The following EPHA6 variants were observed in gnomAD, a reference collection of about 807,000 sequenced individuals.
The protein encoded by EPHA6 is EPH receptor A6.
Under a neutral mutation model 112.0 loss-of-function variants are expected in EPHA6, and 50 were observed. That is an observed-to-expected ratio of 0.45 (90% confidence interval 0.36 to 0.56). EPHA6 has a LOEUF of 0.56. EPHA6 is among the 20% of genes least tolerant of loss of function. The pLI, the probability that EPHA6 is intolerant of heterozygous loss-of-function variation, is 0.00. For synonymous variants in EPHA6, 529 were observed against 490.7 expected (o/e 1.08, Z -1.03); for missense variants, 1,280 against 1,417.4 (o/e 0.90, Z 1.56).
chr3:96,952,411 A>G (rs2041583397), intron 2 of EPHA6, among the ~76,000 whole-genome samples: 1 of 152,122 alleles, frequency 6.6e-6, no homozygotes, highest in Non-Finnish European at 1.5e-5. Context: ...CAGTTCTCAC[A>G]GGGCTAGGTT....
At chr3:97,718,448 C>CAATG (rs1422634172) in intron 14 of EPHA6, among the ~76,000 whole-genome samples, 1 of 151,848 alleles carries the variant, frequency 6.6e-6, no homozygotes, top group African/African-American at 2.4e-5. Context: ...TGCAGATAAA[C>CAATG]AATGATTTGG....
intron 3 of EPHA6, among the ~76,000 whole-genome samples, chr3:97,010,522 G>A (rs922893172): frequency 1.1e-4 from 17 of 151,812 alleles, no homozygotes; most frequent in African/African-American, 3.6e-4. Flanking sequence ...TATCAAACTT[G>A]TTATTTTTTA....
At chr3:97,226,015 GTA>G (rs2078343666) in intron 3 of EPHA6, among the ~76,000 whole-genome samples, 1 of 152,082 alleles carries the variant, frequency 6.6e-6, no homozygotes, top group Non-Finnish European at 1.5e-5. Flanking sequence ...GTGTGTGTGT[GTA>G]TGTGTGTATG....
intron 11 of EPHA6, among the ~76,000 whole-genome samples, chr3:97,562,309 A>T (rs1007860643): frequency 1.2e-4 from 18 of 152,186 alleles, no homozygotes; most frequent in African/African-American, 4.3e-4. Context: ...TTTAGATGCC[A>T]TTAGGAACAT....
intron 3 of EPHA6, among the ~76,000 whole-genome samples, chr3:97,036,303 T>A (rs2045091976): frequency 6.6e-6 from 1 of 152,008 alleles, no homozygotes; most frequent in Non-Finnish European, 1.5e-5. Context: ...ATAGAAATAG[T>A]ATTAGGCCAA....
chr3:96,821,818 G>A (rs1048720965), intron 1 of EPHA6, among the ~76,000 whole-genome samples: 2 of 151,744 alleles, frequency 1.3e-5, no homozygotes, highest in Admixed American at 6.6e-5. Flanking sequence ...AAGTCACTCA[G>A]CAACCATAGA....
intron 5 of EPHA6, among the ~76,000 whole-genome samples, chr3:97,307,752 A>G (rs560280898): frequency 2.6e-5 from 4 of 151,106 alleles, no homozygotes; most frequent in Non-Finnish European, 5.9e-5. Context: ...AAAAAAAAAT[A>G]TATATATACA....
In EPHA6 at chr3:96,871,645, C is replaced by T. The variant is rs181141243; in HGVS notation, c.450+4756C>T. Among the ~76,000 whole-genome samples the T allele has an allele frequency of 5.3e-3, 811 of 151,806 alleles. 7 individuals carry two copies. Among genetic ancestry groups the T allele is most frequent in the African/African-American group, 0.019 (785 of 41,438 alleles). On this transcript the variant is annotated intron_variant, in intron 2 of 17. Transcript: ENST00000389672. ...TACACTCATTTATTTAATCTTTCAC[C>T]GCACATTATGTGAAAAATGCTATTT...
intron 14 of EPHA6, among the ~76,000 whole-genome samples, chr3:97,703,142 C>T (rs17753740): frequency 0.086 from 13,144 of 152,150 alleles, 782 homozygotes; most frequent in Middle Eastern, 0.14. Context: ...TGACGTGAAA[C>T]TTCCTCTAGA....
chr3:97,281,467 G>T (rs2080284720), intron 5 of EPHA6, among the ~76,000 whole-genome samples: 1 of 151,738 alleles, frequency 6.6e-6, no homozygotes, highest in South Asian at 2.1e-4. Flanking sequence ...TACTGCTAAG[G>T]GAGCACAAAC....
At chr3:97,425,184 C>A (rs757908423) in intron 6 of EPHA6, among the ~76,000 whole-genome samples, 47 of 150,800 alleles carry the variant, frequency 3.1e-4, no homozygotes, top group Non-Finnish European at 4.7e-4. Flanking sequence ...TGGAGGACAG[C>A]GGCCCTCTTC....
chr3:97,640,032 A>G (rs112724444), intron 14 of EPHA6, among the ~76,000 whole-genome samples: 29 of 152,300 alleles, frequency 1.9e-4, no homozygotes, highest in African/African-American at 6.5e-4. Context: ...AGCACTTAAA[A>G]TAGTAAAGCT....
chr3:97,407,372 A>G (rs1033526457), intron 6 of EPHA6, among the ~76,000 whole-genome samples: 1 of 151,834 alleles, frequency 6.6e-6, no homozygotes, highest in East Asian at 1.9e-4. Context: ...ACACACACAC[A>G]CACCTTTTTA....
At chr3:97,264,060 C>T (rs79785052) in intron 5 of EPHA6, among the ~76,000 whole-genome samples, 1 of 152,122 alleles carries the variant, frequency 6.6e-6, no homozygotes, top group Non-Finnish European at 1.5e-5. Flanking sequence ...GCAGGTTATA[C>T]ATTTTCTGTC....
intron 5 of EPHA6, among the ~76,000 whole-genome samples, chr3:97,307,115 G>C (rs2081353241): frequency 6.6e-6 from 1 of 151,630 alleles, no homozygotes; most frequent in African/African-American, 2.4e-5. Context: ...TCCTAACAAT[G>C]CATTTTATTT....
At chr3:97,302,374 G>T (rs2081129652) in intron 5 of EPHA6, among the ~76,000 whole-genome samples, 1 of 151,576 alleles carries the variant, frequency 6.6e-6, no homozygotes. Context: ...AGTAAAACTT[G>T]TTCCTAAACC....
At chr3:96,925,087 G>T (rs1303787387) in intron 2 of EPHA6, among the ~76,000 whole-genome samples, 1 of 152,100 alleles carries the variant, frequency 6.6e-6, no homozygotes, top group East Asian at 1.9e-4. Context: ...AAGGATATTG[G>T]CCTGAAGTTT....
intron 15 of EPHA6, among the ~76,000 whole-genome samples, chr3:97,721,452 A>G (rs1309948847): frequency 6.6e-6 from 1 of 152,208 alleles, no homozygotes; most frequent in Non-Finnish European, 1.5e-5. Flanking sequence ...CCTGCCATAC[A>G]GTACTGCTTT....
At chr3:96,891,774 A>C (rs1322614421) in intron 2 of EPHA6, among the ~76,000 whole-genome samples, 1 of 152,152 alleles carries the variant, frequency 6.6e-6, no homozygotes, top group Non-Finnish European at 1.5e-5. Flanking sequence ...TGATAGCTAC[A>C]TGGGTCTGTT....
Sources: gnomAD v4.1 joint callset for allele counts (sites outside exome capture counted in the v4.1 genomes callset) on GRCh38, gnomAD v4.1.1 for gene constraint, MANE v1.5 for transcripts, NCBI Gene and HGNC (gene_info 2026-07-23, HGNC 2026-07-21) for gene names.